The following ITPR1 variants were observed in gnomAD, a reference collection of about 807,000 sequenced individuals.
ITPR1 encodes the protein inositol 1,4,5-trisphosphate-gated calcium channel ITPR1.
A neutral mutation model predicts 318.4 loss-of-function variants in ITPR1; 96 were observed. That is an observed-to-expected ratio of 0.30 (90% confidence interval 0.26 to 0.36). The LOEUF (loss-of-function observed/expected upper bound fraction) is 0.36. ITPR1 is among the 10% of genes least tolerant of loss of function. The probability of loss-of-function intolerance (pLI) is 1.00; values close to 1 mark genes in which losing one functional copy is unlikely to be tolerated. For synonymous variants in ITPR1, 1,312 were observed against 1,289.9 expected (o/e 1.02, Z -0.37); for missense variants, 2,440 against 3,460.2 (o/e 0.71, Z 7.40).
intron 44 of ITPR1, among the ~76,000 whole-genome samples, chr3:4,758,633 A>G (rs1286404832): frequency 2.0e-5 from 3 of 152,232 alleles, no homozygotes; most frequent in East Asian, 3.8e-4. Context: ...CCCCAGGACC[A>G]CTTGTTTACA....
chr3:4,494,941 T>C (rs2080435236), intron 2 of ITPR1, among the ~76,000 whole-genome samples: 1 of 152,204 alleles, frequency 6.6e-6, no homozygotes, highest in African/African-American at 2.4e-5. Flanking sequence ...GTAGGTTGGA[T>C]TGCAAGAAAT....
chr3:4,641,948 C>T, intron 6 of ITPR1, 145 bp from the exon 7 acceptor site: 1 of 537,558 alleles, frequency 1.9e-6, no homozygotes. Context: ...TCATCTGCAG[C>T]CGTAGGCACT....
chr3:4,596,779 A>C (rs990923661), intron 4 of ITPR1, among the ~76,000 whole-genome samples: 7 of 152,030 alleles, frequency 4.6e-5, no homozygotes, highest in East Asian at 3.9e-4. Context: ...TTAAACCCCA[A>C]CTCCTCCATG....
intron 39 of ITPR1, among the ~76,000 whole-genome samples, chr3:4,714,279 T>G (rs551597253): frequency 2.0e-5 from 3 of 152,146 alleles, no homozygotes; most frequent in Non-Finnish European, 4.4e-5. Context: ...GAGGTGTTCT[T>G]TGGCCTGGGT....
intron 4 of ITPR1, among the ~76,000 whole-genome samples, chr3:4,565,276 C>T (rs1335267968): frequency 6.6e-6 from 1 of 152,176 alleles, no homozygotes; most frequent in African/African-American, 2.4e-5. Flanking sequence ...ATTTTTCTTA[C>T]TGCTAGAGTT....
intron 46 of ITPR1, among the ~76,000 whole-genome samples, chr3:4,774,695 C>T (rs1054012582): frequency 1.3e-5 from 2 of 152,234 alleles, no homozygotes; most frequent in Non-Finnish European, 1.5e-5. Flanking sequence ...CACACATTTA[C>T]TCACTGTCAC....
At chr3:4,824,591 G>A (rs970649681) in intron 60 of ITPR1, among the ~76,000 whole-genome samples, 1 of 152,112 alleles carries the variant, frequency 6.6e-6, no homozygotes, top group Non-Finnish European at 1.5e-5. Context: ...ACTTGGACTG[G>A]CTCATCTCCC....
rs57462034 is a variant in ITPR1 at position 4,670,015 on chromosome 3, C to T, written c.2006+242C>T. Among the ~76,000 whole-genome samples, 16 of 152,234 alleles carry T rather than the reference C, an allele frequency of 1.1e-4. No homozygotes were observed. In the East Asian group the frequency reaches 1.5e-3, roughly 15 times the overall value. Reference sequence around the variant, plus strand: ...AAGTTTAGAAGTCATGTAAACTCACCGGGGAGCATTTTATACAGCTACATT... The same window carrying T: ...AAGTTTAGAAGTCATGTAAACTCACTGGGGAGCATTTTATACAGCTACATT... On this transcript the variant is annotated intron_variant, in intron 19 of 61. Coordinates refer to ENST00000649015, the MANE Select transcript of ITPR1 (RefSeq NM_001378452.1).
At chr3:4,683,154 G>T (rs1322969958) in intron 26 of ITPR1, among the ~76,000 whole-genome samples, 1 of 152,174 alleles carries the variant, frequency 6.6e-6, no homozygotes, top group African/African-American at 2.4e-5. Context: ...TGTCACTTTG[G>T]CTTAAAATTT....
chr3:4,828,665 G>C lies in ITPR1; in HGVS notation c.8029-8109G>C, dbSNP rs184850493. ...GAATGACTTGAAAGGATTATTCTGA[G>C]GCTGGCTCTTCCTAGGGATTTCATC... On this transcript the variant is annotated intron_variant, in intron 60 of 61. Coordinates refer to ENST00000649015, the MANE Select transcript of ITPR1 (RefSeq NM_001378452.1). 2.4e-3 allele frequency among the ~76,000 whole-genome samples: 369 copies of C among 152,296 alleles called. 1 individual carries two copies. Among genetic ancestry groups the C allele is most frequent in the African/African-American group, 7.7e-3 (318 of 41,560 alleles).
chr3:4,629,533 T>A (rs2092948267), intron 5 of ITPR1, among the ~76,000 whole-genome samples: 1 of 152,260 alleles, frequency 6.6e-6, no homozygotes, highest in Non-Finnish European at 1.5e-5. Flanking sequence ...GGTGGCATTA[T>A]CTCTCTTGCT....
intron 44 of ITPR1, among the ~76,000 whole-genome samples, chr3:4,763,436 G>A (rs975523350): frequency 2.0e-5 from 3 of 152,126 alleles, no homozygotes; most frequent in Admixed American, 1.3e-4. Flanking sequence ...GGCACTGGTT[G>A]TATATCTCCT....
intron 4 of ITPR1, among the ~76,000 whole-genome samples, chr3:4,604,218 G>A (rs573839712): frequency 5.3e-5 from 8 of 152,270 alleles, no homozygotes; most frequent in African/African-American, 1.4e-4. Flanking sequence ...TTTAACAGAG[G>A]TTATGGAAGA....
intron 22 of ITPR1, 48 bp from the exon 23 acceptor site, chr3:4,675,020 G>A: frequency 1.0e-6 from 1 of 998,660 alleles, no homozygotes; most frequent in Non-Finnish European, 1.5e-6. Context: ...AATTGAAGGG[G>A]ATGCAGTTTA....
intron 7 of ITPR1, among the ~76,000 whole-genome samples, chr3:4,643,562 CTG>C (rs1364101455): frequency 2.0e-5 from 3 of 150,638 alleles, no homozygotes; most frequent in Non-Finnish European, 4.4e-5. Flanking sequence ...AAAGATCAGA[CTG>C]TGTTACATCA....
At position 4,683,302 on chromosome 3, in the gene ITPR1, TA is replaced by T. The variant is rs1425580785; in HGVS notation, c.3162-83del. 8.1e-6 allele frequency: 11 copies of T among 1,352,536 alleles called. No individual in the cohort carries two copies. The East Asian group carries it at 2.3e-4, about 28-fold the overall frequency. 83.8% of individuals were successfully genotyped at this position (1,352,536 alleles called of 1,614,324 possible). A position where few individuals can be genotyped will look rare whatever the true frequency, so the allele number is the denominator to read the frequency against. On this transcript the variant is annotated intron_variant, in intron 26 of 61. Transcript: ENST00000649015. Reference sequence around the variant, plus strand: ...GAGATCACAGTGCTAGAAATGCAACTAGGTTAGGTGCATCTGGGCCCAAGGG... The same window carrying T: ...GAGATCACAGTGCTAGAAATGCAACTGGTTAGGTGCATCTGGGCCCAAGGG...
intron 25 of ITPR1, 134 bp downstream of exon 25, chr3:4,680,825 C>A: frequency 2.7e-6 from 2 of 753,910 alleles, no homozygotes; most frequent in Non-Finnish European, 4.2e-6. Flanking sequence ...ATCATCCTGG[C>A]AGTTACTCTT....
chr3:4,561,400 C>A lies in ITPR1; in HGVS notation c.163+40306C>A, dbSNP rs1272311764. ...TGGTTAATAATGGCTCAAGAAATCCCAGCTTGATTTGACCAGCTTTCCAGC... is the reference window on the plus strand; with the variant it reads ...TGGTTAATAATGGCTCAAGAAATCCAAGCTTGATTTGACCAGCTTTCCAGC... On this transcript the variant is annotated intron_variant, in intron 4 of 61. Coordinates refer to ENST00000649015, the MANE Select transcript of ITPR1 (RefSeq NM_001378452.1). Among the ~76,000 whole-genome samples the A allele has an allele frequency of 6.6e-5, 10 of 152,170 alleles. 1 individual carries two copies. In the South Asian group the frequency reaches 1.9e-3, roughly 28 times the overall value.
chr3:4,714,624 C>A (rs1316257531), intron 39 of ITPR1, among the ~76,000 whole-genome samples: 1 of 152,234 alleles, frequency 6.6e-6, no homozygotes, highest in African/African-American at 2.4e-5. Flanking sequence ...CCAGCCTCTC[C>A]TGAGGTGGTG....
Sources: allele counts gnomAD v4.1 joint callset (sites outside exome capture counted in the v4.1 genomes callset), GRCh38; gene constraint gnomAD v4.1.1; transcripts MANE v1.5; gene names NCBI Gene and HGNC (gene_info 2026-07-23, HGNC 2026-07-21).